The following TIRAP variants were observed in gnomAD, a reference collection of about 807,000 sequenced individuals.
TIRAP encodes toll/interleukin-1 receptor domain-containing adapter protein.
TIRAP carries 20 observed loss-of-function variants against 19.8 expected under a neutral mutation model. That is an observed-to-expected ratio of 1.01 (90% CI 0.71 to 1.47). The LOEUF is 1.47. Ranked by LOEUF, TIRAP falls within the 40% of genes most tolerant of loss-of-function variation. The pLI, the probability that TIRAP is intolerant of heterozygous loss-of-function variation, is 0.00. For synonymous variants in TIRAP, 125 were observed against 121.7 expected (o/e 1.03, Z -0.18); for missense variants, 276 against 285.1 (o/e 0.97, Z 0.23).
rs1392060 is a variant in TIRAP, at chr11:126,290,111, A to C, written c.-216-351A>C. 0.12 allele frequency among the ~76,000 whole-genome samples: 18,009 copies of C among 152,204 alleles called. 1,093 individuals carry two copies. Among genetic ancestry groups the C allele is most frequent in the South Asian group, 0.14 (672 of 4,818 alleles). On this transcript the variant is annotated intron_variant, in intron 1 of 4. Transcript: ENST00000392679. The surrounding 1 kb of genome is among the most constrained non-coding windows in gnomAD (Gnocchi z 4.9). ...CAGGCACCATTAGGACTTTACATAAATGATTTCATTTAATCTTCACAATAA... is the reference window on the plus strand; with the variant it reads ...CAGGCACCATTAGGACTTTACATAACTGATTTCATTTAATCTTCACAATAA...
chr11:126,290,835 C>T lies in TIRAP; in HGVS notation c.-60C>T. 6.5e-7 allele frequency: 1 copy of T among 1,550,262 alleles called. No homozygotes were observed. Among genetic ancestry groups the T allele is most frequent in the Non-Finnish European group, 8.7e-7 (1 of 1,148,228 alleles). Reference sequence around the variant, plus strand: ...GCTCCATGAGGTCAAGACTGGGTCTCCTCCCTCCTCCCCCTTCACCAATGC... The same window carrying T: ...GCTCCATGAGGTCAAGACTGGGTCTTCTCCCTCCTCCCCCTTCACCAATGC... On this transcript the variant is annotated 5_prime_UTR_variant, in exon 3 of 5. Transcript: ENST00000392679. This position sits in a 1 kb window ranked among gnomAD's most constrained non-coding sequence, Gnocchi z 4.9.
chr11:126,285,346 C>T (rs1951309142), intron 1 of TIRAP, among the ~76,000 whole-genome samples: 1 of 151,506 alleles, frequency 6.6e-6, no homozygotes, highest in South Asian at 2.1e-4. Context: ...ACTGCAACCT[C>T]CGTCTCCCAG....
chr11:126,285,243 G>GTGTGTGTATATATATATATACA, intron 1 of TIRAP, among the ~76,000 whole-genome samples: 1 of 106,974 alleles, frequency 9.3e-6, no homozygotes, highest in Admixed American at 9.9e-5. Flanking sequence ...GTGTGTGTGT[G>GTGTGTGTATATATATATATACA]TATATATATA....
intron 1 of TIRAP, among the ~76,000 whole-genome samples, chr11:126,283,635 G>A (rs1951282065): frequency 1.3e-5 from 2 of 152,220 alleles, no homozygotes; most frequent in Admixed American, 1.3e-4. Flanking sequence ...CACGGGCTGG[G>A]CAGCCACTGT....
At position 126,293,668 on chromosome 11, in the gene TIRAP, ATC is replaced by A. The variant is rs1222025293; in HGVS notation, c.649_650del (p.Leu217AlafsTer34). On this transcript the variant is annotated frameshift_variant and splice_region_variant, in exon 5 of 5. Coordinates refer to ENST00000392679, the MANE Select transcript of TIRAP (RefSeq NM_001318777.2). LOFTEE classifies it high-confidence loss of function. ...CAACGCTGTGATTGGTCTCTTTCAG[ATC>A]TGCAGACACTCAGTTGACACTTGTT... is the stretch of plus-strand genomic sequence containing the variant. The A allele has an allele frequency of 6.2e-7, 1 of 1,614,190 alleles. No individual in the cohort carries two copies. The highest frequency in any genetic ancestry group is 1.1e-5 in the South Asian group (1 of 91,088).
At chr11:126,292,171 GTGCA>G (rs1565364917) in intron 3 of TIRAP, among the ~76,000 whole-genome samples, 1 of 151,822 alleles carries the variant, frequency 6.6e-6, no homozygotes, top group South Asian at 2.1e-4. Context: ...AGGTGTGGTG[GTGCA>G]TGCCTGTAAT....
In TIRAP at chr11:126,283,307, G is replaced by T. The variant is rs112311849; in HGVS notation, c.-217+154G>T. Among the ~76,000 whole-genome samples the T allele has an allele frequency of 3.9e-3, 598 of 152,120 alleles. 11 individuals carry two copies. The highest frequency in any genetic ancestry group is 0.014 in the African/African-American group (578 of 41,518). On this transcript the variant is annotated intron_variant, in intron 1 of 4. Coordinates refer to ENST00000392679, the MANE Select transcript of TIRAP (RefSeq NM_001318777.2). ...TCTGGTCCGGCCTTGCCCTGCTGGC[G>T]GCACATCCGCTTCCCTTCTTCACCT...
At chr11:126,285,067 AG>A (rs747585816) in intron 1 of TIRAP, among the ~76,000 whole-genome samples, 45 of 151,926 alleles carry the variant, frequency 3.0e-4, no homozygotes, top group Middle Eastern at 6.8e-3. Flanking sequence ...TTGAGGTTTT[AG>A]TTTGCATTTC....
intron 4 of TIRAP, 74 bp from the exon 5 acceptor site, chr11:126,293,594 A>C: frequency 1.9e-6 from 3 of 1,559,376 alleles, no homozygotes; most frequent in Non-Finnish European, 2.6e-6. Flanking sequence ...AAAAGATAGA[A>C]GAGGCAGGAC....
intron 3 of TIRAP, 114 bp from the exon 4 acceptor site, chr11:126,292,363 A>C: frequency 1.9e-6 from 2 of 1,078,628 alleles, no homozygotes; most frequent in Non-Finnish European, 2.7e-6. Flanking sequence ...TTCCCAGTGC[A>C]GGGAGGTGGG....
At position 126,288,129 on chromosome 11, in the gene TIRAP, C is replaced by T. The variant is rs1012160124; in HGVS notation, c.-216-2333C>T. On this transcript the variant is annotated intron_variant, in intron 1 of 4. Transcript: ENST00000392679. This position sits in a 1 kb window ranked among gnomAD's most constrained non-coding sequence, Gnocchi z 5.0. ...TCCTGAGCTCACATGATCTGCCCACCTCGGCCTCCCAAAGTGCTGGGATTA... is the reference window on the plus strand; with the variant it reads ...TCCTGAGCTCACATGATCTGCCCACTTCGGCCTCCCAAAGTGCTGGGATTA... 6.6e-6 allele frequency among the ~76,000 whole-genome samples: 1 copy of T among 152,290 alleles called. No homozygotes were observed. The highest frequency in any genetic ancestry group is 6.5e-5 in the Admixed American group (1 of 15,296).
chr11:126,286,032 T>G (rs1427175902), intron 1 of TIRAP, among the ~76,000 whole-genome samples: 3 of 125,032 alleles, frequency 2.4e-5, no homozygotes, highest in African/African-American at 9.5e-5. Context: ...CCAGCCTGGG[T>G]GACAGAGCAA....
Position 126,293,830 on chromosome 11 carries a change from C to A in TIRAP, c.*143C>A. The A allele has an allele frequency of 1.1e-6, 1 of 898,218 alleles. No homozygotes were observed. The highest frequency in any genetic ancestry group is 1.4e-5 in the South Asian group (1 of 72,996). 55.6% of individuals were successfully genotyped at this position (898,218 alleles called of 1,614,324 possible). A position where few individuals can be genotyped will look rare whatever the true frequency, so the allele number is the denominator to read the frequency against. ...TGCTCGTGACCCTGGGATCAGAGCA[C>A]CCATCAGGCTTCCATTACTGTGGGC... On this transcript the variant is annotated 3_prime_UTR_variant, in exon 5 of 5. Coordinates refer to ENST00000392679, the MANE Select transcript of TIRAP (RefSeq NM_001318777.2).
chr11:126,290,084 G>T lies in TIRAP; in HGVS notation c.-216-378G>T, dbSNP rs931969457. Among the ~76,000 whole-genome samples, 5 of 152,146 alleles carry T rather than the reference G, an allele frequency of 3.3e-5. No individual in the cohort carries two copies. Among genetic ancestry groups the T allele is most frequent in the African/African-American group, 1.2e-4 (5 of 41,430 alleles). ...CACATTTTCTAAGCATTTATTACAT[G>T]CCAGGCACCATTAGGACTTTACATA... On this transcript the variant is annotated intron_variant, in intron 1 of 4. Coordinates refer to ENST00000392679, the MANE Select transcript of TIRAP (RefSeq NM_001318777.2). The surrounding 1 kb of genome is among the most constrained non-coding windows in gnomAD (Gnocchi z 4.9).
At chr11:126,285,775 T>C (rs1200131830) in intron 1 of TIRAP, among the ~76,000 whole-genome samples, 13 of 151,868 alleles carry the variant, frequency 8.6e-5, no homozygotes, top group Admixed American at 8.5e-4. Context: ...TGGTGGCTCA[T>C]GCCTGTAATC....
In TIRAP at chr11:126,285,506, C is replaced by T. The variant is rs534965018; in HGVS notation, c.-217+2353C>T. Among the ~76,000 whole-genome samples the T allele has an allele frequency of 1.1e-3, 168 of 151,452 alleles. 1 individual carries two copies. Among genetic ancestry groups the T allele is most frequent in the Admixed American group, 2.4e-3 (36 of 15,202 alleles). On this transcript the variant is annotated intron_variant, in intron 1 of 4. Transcript: ENST00000392679. Reference sequence around the variant, plus strand: ...TGAACTCCTGACCTAGTTATCCGCCCGCCTCGGCCTCCCAAAGTGCCGGGA... The same window carrying T: ...TGAACTCCTGACCTAGTTATCCGCCTGCCTCGGCCTCCCAAAGTGCCGGGA...
intron 1 of TIRAP, among the ~76,000 whole-genome samples, chr11:126,284,447 G>C (rs1024569793): frequency 1.3e-5 from 2 of 152,160 alleles, no homozygotes; most frequent in Non-Finnish European, 2.9e-5. Context: ...TGTATGGCTA[G>C]ACCACAATTT....
chr11:126,291,131 G>GGGGA lies in TIRAP; in HGVS notation c.67+173_67+176dup, dbSNP rs34215856. On this transcript the variant is annotated intron_variant, in intron 3 of 4. Transcript: ENST00000392679. The surrounding 1 kb of genome is among the most constrained non-coding windows in gnomAD (Gnocchi z 5.6). ...CTGGATGCTTTGTGGAGAGTGAGGA[G>GGGGA]GGGAGGCCTGCGTCAGCTCAGCCAG... The GGGGA allele has an allele frequency of 0.13, 101,155 of 791,374 alleles. 7,982 individuals carry two copies. The highest frequency in any genetic ancestry group is 0.15 in the South Asian group (8,091 of 53,592). 49.0% of individuals were successfully genotyped at this position (791,374 alleles called of 1,614,324 possible). A position where few individuals can be genotyped will look rare whatever the true frequency, so the allele number is the denominator to read the frequency against.
At chr11:126,292,077 G>A (rs1189954220) in intron 3 of TIRAP, among the ~76,000 whole-genome samples, 3 of 151,908 alleles carry the variant, frequency 2.0e-5, no homozygotes, top group Non-Finnish European at 4.4e-5. Flanking sequence ...AGGCTGAGGC[G>A]GGCAGATCAT....
Sources: allele counts gnomAD v4.1 joint callset (sites outside exome capture counted in the v4.1 genomes callset), GRCh38; gene constraint gnomAD v4.1.1; non-coding constraint Gnocchi (gnomAD v3.1); transcripts MANE v1.5; gene names NCBI Gene and HGNC (gene_info 2026-07-23, HGNC 2026-07-21).